KIF26B: variants seen among roughly 807,000 people sequenced by gnomAD.
The protein encoded by KIF26B is kinesin family member 26B, also known as kinesin-like protein KIF26B.
Under a neutral mutation model 151.2 loss-of-function variants are expected in KIF26B, and 63 were observed. The observed-to-expected ratio is 0.42, with a 90% CI of 0.34 to 0.51. KIF26B has a LOEUF of 0.51. KIF26B is among the 20% of genes least tolerant of loss of function. KIF26B has a pLI of 0.07. For synonymous variants in KIF26B, 1,357 were observed against 1,262.1 expected, an observed-to-expected ratio of 1.08 and a Z score of -1.59; for missense variants, 2,813 against 2,913.6, an observed-to-expected ratio of 0.97 and a Z score of 0.79.
intron 4 of KIF26B, among the ~76,000 whole-genome samples, chr1:245,474,795 C>A (rs192904230): frequency 2.0e-5 from 3 of 151,902 alleles, no homozygotes. Flanking sequence ...ATCCCCGCTG[C>A]CCATCCCAGC....
At chr1:245,582,696 A>G (rs2043187942) in intron 5 of KIF26B, among the ~76,000 whole-genome samples, 2 of 152,184 alleles carry the variant, frequency 1.3e-5, no homozygotes, top group Admixed American at 6.5e-5. Flanking sequence ...CACAGGACCT[A>G]GAGTCAGGGC....
rs1660865208 is a variant in KIF26B at position 245,512,834 on chromosome 1, A to C, written c.1167-27933A>C. Among the ~76,000 whole-genome samples the C allele has an allele frequency of 1.3e-5, 2 of 152,166 alleles. No homozygotes were observed. The highest frequency in any genetic ancestry group is 4.1e-4 in the South Asian group (2 of 4,824). On this transcript the variant is annotated intron_variant, in intron 4 of 14. Coordinates refer to ENST00000407071, the MANE Select transcript of KIF26B (RefSeq NM_018012.4). The surrounding 1 kb of genome is among the most constrained non-coding windows in gnomAD (Gnocchi z 4.3). The stretch of plus-strand genomic sequence containing the variant: ...TCTGTTAGACTCCTGCATCTGGAAG[A>C]GGCTTGAAGCAGAGTGGAAAACCTA...
At chr1:245,271,470 T>A (rs1011299809) in intron 2 of KIF26B, among the ~76,000 whole-genome samples, 1 of 152,158 alleles carries the variant, frequency 6.6e-6, no homozygotes, top group Admixed American at 6.5e-5. Context: ...GTAATCCATG[T>A]ACATAGGATG....
intron 4 of KIF26B, among the ~76,000 whole-genome samples, chr1:245,433,197 G>A (rs901468286): frequency 5.9e-5 from 9 of 152,188 alleles, no homozygotes; most frequent in African/African-American, 1.9e-4. Flanking sequence ...CGTGTGCGGC[G>A]GCTCCCGCCT....
intron 4 of KIF26B, among the ~76,000 whole-genome samples, chr1:245,447,681 T>C (rs1005802170): frequency 2.6e-5 from 4 of 152,146 alleles, no homozygotes; most frequent in Non-Finnish European, 5.9e-5. Context: ...TGCCCACCAG[T>C]GTGCCATGTC....
In KIF26B at chr1:245,606,734, A is replaced by G. The variant is rs1335864480; in HGVS notation, c.1558-917A>G. ...GACTGATACTCTATATGTTGAATGT[A>G]TCTGTAGCAAAAGGAAGAAAAGGCA... On this transcript the variant is annotated intron_variant, in intron 6 of 14. Transcript: ENST00000407071. This position sits in a 1 kb window ranked among gnomAD's most constrained non-coding sequence, Gnocchi z 4.6. Among the ~76,000 whole-genome samples the G allele has an allele frequency of 6.6e-6, 1 of 152,228 alleles. No individual in the cohort carries two copies. The highest frequency in any genetic ancestry group is 2.4e-5 in the African/African-American group (1 of 41,466).
chr1:245,321,558 C>T (rs1432880909), intron 2 of KIF26B, among the ~76,000 whole-genome samples: 1 of 152,196 alleles, frequency 6.6e-6, no homozygotes, highest in Non-Finnish European at 1.5e-5. Context: ...TCTAGTGTAG[C>T]CTAGCCATGC....
At chr1:245,280,365 C>CAAAAAAAAAA (rs1191254237) in intron 2 of KIF26B, among the ~76,000 whole-genome samples, 8 of 129,584 alleles carry the variant, frequency 6.2e-5, no homozygotes, top group Non-Finnish European at 6.5e-5. Context: ...ACAAAAAATA[C>CAAAAAAAAAA]AAAAAAAAAA....
chr1:245,201,732 G>C (rs1669303290), intron 2 of KIF26B, among the ~76,000 whole-genome samples: 1 of 152,194 alleles, frequency 6.6e-6, no homozygotes, highest in African/African-American at 2.4e-5. Context: ...TTCTAAGCGG[G>C]AGACAAGCCC....
Position 245,702,416 on chromosome 1 carries a change from C to G in KIF26B, c.6179-42C>G, listed in dbSNP as rs756820168. 1 of 1,610,780 alleles carries G rather than the reference C, an allele frequency of 6.2e-7. No homozygotes were observed. Among genetic ancestry groups the G allele is most frequent in the African/African-American group, 1.3e-5 (1 of 74,826 alleles). ...GAGCCGTCGGGAGTTGCTTCTCACC[C>G]TGTTTGCTCTGCGTCTCCATCAGGC... On this transcript the variant is annotated intron_variant, in intron 14 of 14. Coordinates refer to ENST00000407071, the MANE Select transcript of KIF26B (RefSeq NM_018012.4). The surrounding 1 kb of genome is among the most constrained non-coding windows in gnomAD (Gnocchi z 4.1).
chr1:245,293,379 G>A (rs1355070578), intron 2 of KIF26B, among the ~76,000 whole-genome samples: 1 of 151,962 alleles, frequency 6.6e-6, no homozygotes, highest in African/African-American at 2.4e-5. Context: ...CATGGATTTG[G>A]TCAGGTATGG....
chr1:245,356,201 A>C (rs1365822914), intron 2 of KIF26B, among the ~76,000 whole-genome samples: 1 of 152,198 alleles, frequency 6.6e-6, no homozygotes, highest in Non-Finnish European at 1.5e-5. Flanking sequence ...AAAGTGTAGC[A>C]GAAACAAGCA....
At chr1:245,562,030 A>G (rs1409390764) in intron 5 of KIF26B, among the ~76,000 whole-genome samples, 1 of 152,044 alleles carries the variant, frequency 6.6e-6, no homozygotes, top group African/African-American at 2.4e-5. Flanking sequence ...GCTGTTTCAT[A>G]CCCAGATGAC....
At chr1:245,360,290 G>A (rs951417849) in intron 2 of KIF26B, among the ~76,000 whole-genome samples, 1 of 152,048 alleles carries the variant, frequency 6.6e-6, no homozygotes, top group Admixed American at 6.6e-5. Flanking sequence ...CTAGATAAAA[G>A]ACAGCCCTAA....
chr1:245,243,471 C>CAT (rs1553338072), intron 2 of KIF26B, among the ~76,000 whole-genome samples: 5 of 150,156 alleles, frequency 3.3e-5, no homozygotes, highest in African/African-American at 1.2e-4. Flanking sequence ...CACACACACA[C>CAT]ATATATATAT....
intron 4 of KIF26B, among the ~76,000 whole-genome samples, chr1:245,503,280 T>C (rs1043789795): frequency 1.3e-5 from 2 of 152,236 alleles, no homozygotes; most frequent in Non-Finnish European, 2.9e-5. Flanking sequence ...ATTTTATGTA[T>C]GGATTTTCAT....
rs3038167 is a variant in KIF26B, at chr1:245,386,336, T to TAA, written c.999+18979_999+18980dup. On this transcript the variant is annotated intron_variant, in intron 3 of 14. Transcript: ENST00000407071. ...TATTCAGCCTGCTGTGTAATTGATC[T>TAA]AAAAAAAAAAAGACAGATTTATTCT... Among the ~76,000 whole-genome samples, 1,280 of 147,768 alleles carry TAA rather than the reference T, an allele frequency of 8.7e-3. 19 individuals carry two copies. The highest frequency in any genetic ancestry group is 0.03 in the African/African-American group (1,205 of 40,324).
intron 4 of KIF26B, among the ~76,000 whole-genome samples, chr1:245,499,797 C>T (rs930723091): frequency 7.2e-5 from 11 of 152,146 alleles, no homozygotes; most frequent in Non-Finnish European, 1.0e-4. Context: ...TTGTTTGGTT[C>T]GGTTTGTGCT....
In KIF26B at chr1:245,476,583, T is replaced by G. The variant is rs911186285; in HGVS notation, c.1166+56838T>G. 2.0e-5 allele frequency among the ~76,000 whole-genome samples: 3 copies of G among 151,546 alleles called. 1 individual carries two copies. Among genetic ancestry groups the G allele is most frequent in the Non-Finnish European group, 4.4e-5 (3 of 67,770 alleles). ...CAGGGTCTTGCTCTGTCACCCAGGCTGAAGTGCAGTGGCGTGACCTTGGCT... is the reference window on the plus strand; with the variant it reads ...CAGGGTCTTGCTCTGTCACCCAGGCGGAAGTGCAGTGGCGTGACCTTGGCT... On this transcript the variant is annotated intron_variant, in intron 4 of 14. Coordinates refer to ENST00000407071, the MANE Select transcript of KIF26B (RefSeq NM_018012.4).
Sources: allele counts gnomAD v4.1 joint callset (sites outside exome capture counted in the v4.1 genomes callset), GRCh38; gene constraint gnomAD v4.1.1; non-coding constraint Gnocchi (gnomAD v3.1); transcripts MANE v1.5; gene names NCBI Gene and HGNC (gene_info 2026-07-23, HGNC 2026-07-21).